Variants in CMTM1 observed in about 807,000 individuals in gnomAD.
CMTM1 encodes CKLF-like MARVEL transmembrane domain-containing protein 1.
A neutral mutation model predicts 17.8 loss-of-function variants in CMTM1; 16 were observed. That is an observed-to-expected ratio of 0.90 (90% CI 0.61 to 1.37). The LOEUF is 1.37. Among genes scored for constraint, CMTM1 ranks in the 40% most tolerant of loss-of-function variants. The pLI is 0.00. For synonymous variants in CMTM1, 169 were observed against 154.6 expected (o/e 1.09, Z -0.69); for missense variants, 354 against 375.6 (o/e 0.94, Z 0.47).
At chr16:66,573,198 C>A (rs1292794269) in intron 2 of CMTM1, among the ~76,000 whole-genome samples, 1 of 152,186 alleles carries the variant, frequency 6.6e-6, no homozygotes, top group Non-Finnish European at 1.5e-5. Flanking sequence ...TGCCAGCTTC[C>A]ACAGCACTGG....
At chr16:66,569,497 T>C (rs910403928) in intron 1 of CMTM1, among the ~76,000 whole-genome samples, 7 of 152,188 alleles carry the variant, frequency 4.6e-5, no homozygotes, top group Non-Finnish European at 1.0e-4. Flanking sequence ...ACAATAAAGG[T>C]TGGATTTCAG....
intron 2 of CMTM1, among the ~76,000 whole-genome samples, chr16:66,570,801 A>G (rs1447938282): frequency 6.6e-6 from 1 of 152,204 alleles, no homozygotes; most frequent in Non-Finnish European, 1.5e-5. Flanking sequence ...AATACAGAGA[A>G]GGAAAAGTAT....
Position 66,566,473 on chromosome 16 carries a change from C to A in CMTM1, c.-41C>A. 1 of 1,528,394 alleles carries A rather than the reference C, an allele frequency of 6.5e-7. No individual in the cohort carries two copies. 94.7% of individuals were successfully genotyped at this position (1,528,394 alleles called of 1,614,324 possible). A position where few individuals can be genotyped will look rare whatever the true frequency, so the allele number is the denominator to read the frequency against. ...GTTCCCAGGGGAGAGCCAGCCGCTG[C>A]CGCGGCACTGGTTCAGACGGCCAGG... On this transcript the variant is annotated 5_prime_UTR_variant, in exon 1 of 4. Transcript: ENST00000379500. The surrounding 1 kb of genome is among the most constrained non-coding windows in gnomAD (Gnocchi z 4.9).
At chr16:66,577,263 A>G in intron 3 of CMTM1, 61 bp downstream of exon 3, 2 of 1,402,524 alleles carry the variant, frequency 1.4e-6, no homozygotes, top group Non-Finnish European at 2.0e-6. Flanking sequence ...GAAAAGGGAA[A>G]TTGGCAGACC....
chr16:66,570,284 C>G (rs572662673), intron 2 of CMTM1, among the ~76,000 whole-genome samples, 190 bp downstream of exon 2: 1 of 152,102 alleles, frequency 6.6e-6, no homozygotes, highest in Non-Finnish European at 1.5e-5. Context: ...GCCAACACAC[C>G]GCTGCTCCAG....
intron 1 of CMTM1, 102 bp downstream of exon 1, chr16:66,567,047 C>T: frequency 8.1e-7 from 1 of 1,235,680 alleles, no homozygotes; most frequent in South Asian, 1.3e-5. Context: ...CCATAATTCA[C>T]TTTGCCACTC....
At chr16:66,575,105 A>G (rs1179185117) in intron 2 of CMTM1, 5 of 985,412 alleles carry the variant, frequency 5.1e-6, no homozygotes, top group Non-Finnish European at 6.0e-6. Flanking sequence ...CAGGCACCAA[A>G]ACAGTAGGCA....
chr16:66,569,750 CCTT>C (rs1346392330), intron 1 of CMTM1, among the ~76,000 whole-genome samples, 183 bp from the exon 2 acceptor site: 2 of 152,018 alleles, frequency 1.3e-5, no homozygotes, highest in African/African-American at 4.8e-5. Flanking sequence ...ATTATTTTAT[CCTT>C]CTATACTGTG....
In CMTM1 at chr16:66,566,862, C is replaced by G. The variant is rs140706635; in HGVS notation, c.349C>G (p.Arg117Gly). 1.2e-5 allele frequency: 19 copies of G among 1,612,132 alleles called. No individual in the cohort carries two copies. Among genetic ancestry groups the G allele is most frequent in the Non-Finnish European group, 1.6e-5 (19 of 1,179,916 alleles). Reference protein sequence around the residue: ...EMAIKERVEGRAKVPYKFRDS... With the variant: ...EMAIKERVEGGAKVPYKFRDS... ...GGCGATCAAAGAGCGCGTGGAGGGC[C>G]GAGCCAAAGTCCCGTACAAATTCAG... The change falls in exon 1 of 4, where the codon CGA becomes GGA. Residue 117 changes from arginine (R) to glycine (G), a missense_variant. Physicochemically the swap from Arg to Gly is moderately radical, Grantham distance 125. Transcript: ENST00000379500. This position sits in a 1 kb window ranked among gnomAD's most constrained non-coding sequence, Gnocchi z 4.9.
At chr16:66,574,165 A>T (rs1028156217) in intron 2 of CMTM1, among the ~76,000 whole-genome samples, 7 of 152,240 alleles carry the variant, frequency 4.6e-5, no homozygotes, top group African/African-American at 1.4e-4. Context: ...TAGTCAGAGC[A>T]GGCTACTTGA....
At chr16:66,571,872 G>C (rs2013595775) in intron 2 of CMTM1, among the ~76,000 whole-genome samples, 1 of 152,190 alleles carries the variant, frequency 6.6e-6, no homozygotes, top group Admixed American at 6.5e-5. Context: ...AAGTATCCCA[G>C]ACAAAGGTAA....
chr16:66,574,642 A>G (rs769763701), intron 2 of CMTM1, among the ~76,000 whole-genome samples: 1 of 152,242 alleles, frequency 6.6e-6, no homozygotes, highest in Non-Finnish European at 1.5e-5. Flanking sequence ...ACAGTAAACT[A>G]TAATGTCCAT....
chr16:66,566,973 T>G lies in CMTM1; in HGVS notation c.432+28T>G. The G allele has an allele frequency of 6.2e-7, 1 of 1,613,180 alleles. No individual in the cohort carries two copies. Among genetic ancestry groups the G allele is most frequent in the African/African-American group, 1.3e-5 (1 of 75,004 alleles). ...GAGCGGAGAGCTGGTGAGACCTAGCTGGGCGGATGTGGCCGGCAGTGGCCT... is the reference window on the plus strand; with the variant it reads ...GAGCGGAGAGCTGGTGAGACCTAGCGGGGCGGATGTGGCCGGCAGTGGCCT... On this transcript the variant is annotated intron_variant, in intron 1 of 3. Transcript: ENST00000379500. The surrounding 1 kb of genome is among the most constrained non-coding windows in gnomAD (Gnocchi z 4.9).
intron 3 of CMTM1, among the ~76,000 whole-genome samples, chr16:66,577,535 G>A (rs770472821): frequency 6.6e-6 from 1 of 152,144 alleles, no homozygotes; most frequent in Non-Finnish European, 1.5e-5. Flanking sequence ...GTATTTTAAA[G>A]ACAGATGATA....
chr16:66,572,145 A>G (rs1279308653), intron 2 of CMTM1, among the ~76,000 whole-genome samples: 2 of 152,134 alleles, frequency 1.3e-5, no homozygotes, highest in Non-Finnish European at 2.9e-5. Context: ...ACAGCACAGG[A>G]TATGCCTTGT....
chr16:66,567,377 A>G (rs1482017908), intron 1 of CMTM1: 3 of 275,182 alleles, frequency 1.1e-5, no homozygotes, highest in African/African-American at 2.3e-5. Flanking sequence ...TCGTTGTTCA[A>G]CTCTCACTTA....
intron 2 of CMTM1, chr16:66,575,014 G>A (rs759962799): frequency 4.1e-6 from 4 of 985,188 alleles, no homozygotes; most frequent in South Asian, 4.7e-5. Context: ...CAGACCTCTC[G>A]CTCAGCCTGC....
chr16:66,570,379 A>G lies in CMTM1; in HGVS notation c.591+285A>G, dbSNP rs541664014. ...AAAAAAATATATATACTTAGTATAT[A>G]AAGTAGGTAAGCACATTTCTCAGCC... is the stretch of plus-strand genomic sequence containing the variant. On this transcript the variant is annotated intron_variant, in intron 2 of 3. Transcript: ENST00000379500. Among the ~76,000 whole-genome samples the G allele has an allele frequency of 2.0e-5, 3 of 152,378 alleles. No homozygotes were observed. The East Asian group carries it at 5.8e-4, about 29-fold the overall frequency.
intron 2 of CMTM1, among the ~76,000 whole-genome samples, chr16:66,570,577 C>G (rs761490709): frequency 5.3e-5 from 8 of 152,112 alleles, no homozygotes; most frequent in African/African-American, 7.2e-5. Flanking sequence ...AAAGAGGTGC[C>G]GGACTATCCA....
Sources: gnomAD v4.1 joint callset for allele counts (sites outside exome capture counted in the v4.1 genomes callset) on GRCh38, gnomAD v4.1.1 for gene constraint, Gnocchi (gnomAD v3.1) non-coding constraint, MANE v1.5 for transcripts, NCBI Gene and HGNC (gene_info 2026-07-23, HGNC 2026-07-21) for gene names.